CHDH: variants seen among roughly 807,000 people sequenced by gnomAD.
CHDH encodes choline dehydrogenase, mitochondrial.
A neutral mutation model predicts 56.9 loss-of-function variants in CHDH; 43 were observed. The ratio of observed to expected loss-of-function variants is 0.76; its 90% CI spans 0.59 to 0.97. The LOEUF is 0.97. CHDH is among the 50% of genes least tolerant of loss of function. CHDH has a pLI of 0.00. For synonymous variants in CHDH, 364 were observed against 348.5 expected (o/e 1.04, Z -0.50); for missense variants, 816 against 821.1 (o/e 0.99, Z 0.08).
rs144810644 is a variant in CHDH at position 53,819,047 on chromosome 3, G to T, written c.1264-7C>A. On this transcript the variant is annotated splice_region_variant and splice_polypyrimidine_tract_variant and intron_variant, in intron 7 of 8. Coordinates refer to ENST00000315251, the MANE Select transcript of CHDH (RefSeq NM_018397.5). This position sits in a 1 kb window ranked among gnomAD's most constrained non-coding sequence, Gnocchi z 5.4. ...GCATGGGCCCCACATGTACCTAGAA[G>T]AACACAGAGGAAGCAGTGACGGTCC... 2,664 of 1,590,092 alleles carry T rather than the reference G, an allele frequency of 1.7e-3. 15 individuals are homozygous for T. The Middle Eastern group carries it at 0.019, about 11-fold the overall frequency.
rs764504400 is a variant in CHDH at position 53,834,321 on chromosome 3, C to T, written c.-60+6608G>A. Among the ~76,000 whole-genome samples the T allele has an allele frequency of 3.3e-5, 5 of 152,126 alleles. No homozygotes were observed. In the South Asian group the frequency reaches 6.2e-4, roughly 19 times the overall value. Reference sequence around the variant, plus strand: ...AAATTAGCCAGGCATAATAAGGCATCTGTAATCCCAGCTACTCTGGAGGCT... The same window carrying T: ...AAATTAGCCAGGCATAATAAGGCATTTGTAATCCCAGCTACTCTGGAGGCT... On this transcript the variant is annotated intron_variant, in intron 2 of 8. Transcript: ENST00000315251.
rs771964359 is a variant in CHDH at position 53,823,990 on chromosome 3, C to G, written c.19G>C (p.Gly7Arg). 15 of 1,489,518 alleles carry G rather than the reference C, an allele frequency of 1.0e-5. No homozygotes were observed. The East Asian group carries it at 3.2e-4, about 32-fold the overall frequency. The allele number at this position is 1,489,518 out of a possible 1,614,324, so 92.3% of individuals were successfully genotyped here. Reference protein sequence around the residue: MWCLLRGLGRPGALARG... With the variant: MWCLLRRLGRPGALARG... ...GCCAGGGCTCCAGGCCGGCCCAGGC[C>G]TCGTAGGAGACACCACATGCTTCTA... The change falls in exon 3 of 9, where the codon GGC (glycine) becomes CGC (arginine). Residue 7 changes from glycine (G) to arginine (R), a missense_variant. Gly to Arg is a moderately radical substitution (Grantham distance 125). Coordinates refer to ENST00000315251, the MANE Select transcript of CHDH (RefSeq NM_018397.5).
At chr3:53,830,940 T>C (rs1416355692) in intron 2 of CHDH, among the ~76,000 whole-genome samples, 1 of 151,376 alleles carries the variant, frequency 6.6e-6, no homozygotes, top group Non-Finnish European at 1.5e-5. Flanking sequence ...TTGGCCACAG[T>C]GGAGGAGAGC....
intron 8 of CHDH, 93 bp from the exon 9 acceptor site, chr3:53,818,288 C>G: frequency 8.5e-7 from 1 of 1,175,058 alleles, no homozygotes. Flanking sequence ...TGTAAGCTGT[C>G]TGAGGGGATG....
At position 53,819,802 on chromosome 3, in the gene CHDH, G is replaced by C. The variant is rs919676817; in HGVS notation, c.1121-128C>G. 5.2e-6 allele frequency: 6 copies of C among 1,149,606 alleles called. 1 individual carries two copies. 71.2% of individuals were successfully genotyped at this position (1,149,606 alleles called of 1,614,324 possible). On this transcript the variant is annotated intron_variant, in intron 6 of 8. Transcript: ENST00000315251. The surrounding 1 kb of genome is among the most constrained non-coding windows in gnomAD (Gnocchi z 5.4). Reference sequence around the variant, plus strand: ...TTCCCGGACTCCACTCTAGTGCCTGGACCCAAGTCCTGTCCACATCTGTTC... The same window carrying C: ...TTCCCGGACTCCACTCTAGTGCCTGCACCCAAGTCCTGTCCACATCTGTTC...
In CHDH at chr3:53,840,317, A is replaced by G. The variant is rs184526913; in HGVS notation, c.-60+612T>C. ...GGAGGTGGGAGGACTGCTTGAGGCC[A>G]GGAGTTCAAGACCAGCTTGGGAAAC... is the stretch of plus-strand genomic sequence containing the variant. On this transcript the variant is annotated intron_variant, in intron 2 of 8. Transcript: ENST00000315251. Among the ~76,000 whole-genome samples the G allele has an allele frequency of 5.9e-5, 9 of 152,310 alleles. No individual in the cohort carries two copies. The East Asian group carries it at 1.7e-3, about 29-fold the overall frequency.
chr3:53,818,797 C>T, intron 8 of CHDH, 141 bp downstream of exon 8: 1 of 706,884 alleles, frequency 1.4e-6, no homozygotes. Context: ...AGTTTACAGC[C>T]TAAAGTGACA....
At chr3:53,834,439 T>A (rs761733829) in intron 2 of CHDH, among the ~76,000 whole-genome samples, 9 of 152,128 alleles carry the variant, frequency 5.9e-5, no homozygotes, top group Non-Finnish European at 1.3e-4. Context: ...ACAGTGAGAC[T>A]CTTTCAAAAA....
intron 3 of CHDH, 35 bp downstream of exon 3, chr3:53,823,271 T>G: frequency 1.4e-6 from 2 of 1,448,800 alleles, no homozygotes; most frequent in South Asian, 1.4e-5. Context: ...GGGTAGGGGG[T>G]AGTGCTTTTT....
At chr3:53,843,495 C>A (rs973675876) in intron 1 of CHDH, among the ~76,000 whole-genome samples, 1 of 152,086 alleles carries the variant, frequency 6.6e-6, no homozygotes. Context: ...TGGGTCAGGG[C>A]CATAGGTACT....
At chr3:53,843,188 C>CCTTT (rs578127745) in intron 1 of CHDH, among the ~76,000 whole-genome samples, 22 of 125,182 alleles carry the variant, frequency 1.8e-4, no homozygotes, top group South Asian at 1.3e-3. Flanking sequence ...CCCCCCCCAC[C>CCTTT]TTTTTTTTTT....
At chr3:53,835,533 G>T (rs140807666) in intron 2 of CHDH, among the ~76,000 whole-genome samples, 8 of 152,342 alleles carry the variant, frequency 5.3e-5, no homozygotes, top group African/African-American at 1.9e-4. Context: ...GGGGTCATTT[G>T]CCAAAGGAGG....
Position 53,814,198 on chromosome 3 carries a change from G to A in CHDH, c.*3579C>T, listed in dbSNP as rs938493250. The A allele has an allele frequency of 1.3e-5, 2 of 152,184 alleles. No individual in the cohort carries two copies. Among genetic ancestry groups the A allele is most frequent in the African/African-American group, 4.8e-5 (2 of 41,436 alleles). The allele number at this position is 152,184 out of a possible 1,614,324, so 9.4% of individuals were successfully genotyped here. On this transcript the variant is annotated 3_prime_UTR_variant, in exon 9 of 9. Coordinates refer to ENST00000315251, the MANE Select transcript of CHDH (RefSeq NM_018397.5). ...AAAAACTGGAGCAGTTTCACCTTGT[G>A]TACTTCTCAGCATCGTAAGTGTCTT...
intron 8 of CHDH, 120 bp downstream of exon 8, chr3:53,818,818 C>T (rs541620249): frequency 2.9e-4 from 220 of 751,704 alleles, no homozygotes; most frequent in South Asian, 1.7e-3. Flanking sequence ...CGGTGGGGGA[C>T]GACAGAGGGT....
intron 2 of CHDH, among the ~76,000 whole-genome samples, chr3:53,836,378 C>G (rs1466668434): frequency 2.0e-5 from 3 of 152,262 alleles, no homozygotes; most frequent in Admixed American, 2.0e-4. Flanking sequence ...GTGAGCATCG[C>G]TCCCTGGGAT....
At chr3:53,828,576 A>T (rs1275995916) in intron 2 of CHDH, among the ~76,000 whole-genome samples, 1 of 152,252 alleles carries the variant, frequency 6.6e-6, no homozygotes, top group Non-Finnish European at 1.5e-5. Flanking sequence ...CCGATTAAAG[A>T]ATGGCCCAAA....
In CHDH at chr3:53,824,079, A is replaced by ACC; in HGVS notation, c.-59-13_-59-12insGG. ...TGACTCACTTCTCCCTAAAACAGGA[A>ACC]GAGGGGCTTTAAAAATCTTAACTCC... On this transcript the variant is annotated splice_polypyrimidine_tract_variant and intron_variant, in intron 2 of 8. Coordinates refer to ENST00000315251, the MANE Select transcript of CHDH (RefSeq NM_018397.5). The ACC allele has an allele frequency of 1.1e-5, 15 of 1,351,866 alleles. No homozygotes were observed. The highest frequency in any genetic ancestry group is 3.3e-5 in the Admixed American group (1 of 30,568). The allele number at this position is 1,351,866 out of a possible 1,614,324, so 83.7% of individuals were successfully genotyped here.
At position 53,823,540 on chromosome 3, in the gene CHDH, C is replaced by T. The variant is rs1038821268; in HGVS notation, c.469G>A (p.Gly157Ser). ...GGCAGGCAGTGCGCGTAGTCCCAGC[C>T]GCGGGCGCCCTGGCGCTGCCAGCGC... ...YERWQRQGAR[G>S]WDYAHCLPYF... The change falls in exon 3 of 9, where the codon GGC (glycine) becomes AGC (serine). Residue 157 changes from glycine to serine, a missense_variant. Physicochemically the swap from Gly to Ser is moderately conservative, Grantham distance 56. Coordinates refer to ENST00000315251, the MANE Select transcript of CHDH (RefSeq NM_018397.5). The T allele has an allele frequency of 1.2e-5, 19 of 1,542,202 alleles. No individual in the cohort carries two copies. The highest frequency in any genetic ancestry group is 6.9e-5 in the African/African-American group (5 of 72,946).
At chr3:53,844,779 G>A (rs955488422) in intron 1 of CHDH, 1 of 152,280 alleles carries the variant, frequency 6.6e-6, no homozygotes, top group Non-Finnish European at 1.5e-5. Flanking sequence ...CCTCTATTTT[G>A]CCCTGCAGAG....
Sources: gnomAD v4.1 joint callset for allele counts (sites outside exome capture counted in the v4.1 genomes callset) on GRCh38, gnomAD v4.1.1 for gene constraint, Gnocchi (gnomAD v3.1) non-coding constraint, MANE v1.5 for transcripts, NCBI Gene and HGNC (gene_info 2026-07-23, HGNC 2026-07-21) for gene names.